Variants in TRDN observed in about 807,000 individuals in gnomAD.
TRDN encodes the protein triadin in skeletal muscle.
In TRDN, 161 loss-of-function variants were observed where a neutral mutation model predicts 149.7. The ratio of observed to expected loss-of-function variants is 1.08; its 90% CI spans 0.95 to 1.23. The LOEUF (loss-of-function observed/expected upper bound fraction) is 1.23. Among genes scored for constraint, TRDN ranks in the 50% most tolerant of loss-of-function variants. TRDN has a pLI of 0.00. For synonymous variants in TRDN, 294 were observed against 250.5 expected, an observed-to-expected ratio of 1.17 and a Z score of -1.64; for missense variants, 896 against 823.5, an observed-to-expected ratio of 1.09 and a Z score of -1.08.
intron 8 of TRDN, among the ~76,000 whole-genome samples, chr6:123,500,674 A>C (rs1778658301): frequency 6.6e-6 from 1 of 152,154 alleles, no homozygotes; most frequent in African/African-American, 2.4e-5. Context: ...CTCAGGAAGC[A>C]GTGATAGATG....
intron 1 of TRDN, among the ~76,000 whole-genome samples, chr6:123,613,108 C>T (rs570668828): frequency 2.6e-5 from 4 of 152,170 alleles, no homozygotes; most frequent in South Asian, 2.1e-4. Context: ...GTACAAAGGA[C>T]GACTGCATCA....
chr6:123,586,238 T>C (rs1398496537), intron 1 of TRDN, among the ~76,000 whole-genome samples: 4 of 152,116 alleles, frequency 2.6e-5, no homozygotes, highest in Non-Finnish European at 2.9e-5. Flanking sequence ...AGTCACGGAA[T>C]GAAACTGTAA....
intron 22 of TRDN, among the ~76,000 whole-genome samples, chr6:123,336,752 GAAT>G (rs1319998817): frequency 6.6e-6 from 1 of 151,268 alleles, no homozygotes; most frequent in Non-Finnish European, 1.5e-5. Context: ...AAATTAAGGT[GAAT>G]AATATCAGAC....
At chr6:123,464,023 T>C (rs980408065) in intron 10 of TRDN, among the ~76,000 whole-genome samples, 72 of 152,176 alleles carry the variant, frequency 4.7e-4, no homozygotes, top group African/African-American at 1.6e-3. Flanking sequence ...TCTACCCCTT[T>C]CTAGGGTGGC....
intron 9 of TRDN, among the ~76,000 whole-genome samples, chr6:123,490,705 C>A (rs1288771352): frequency 6.6e-6 from 1 of 152,192 alleles, no homozygotes; most frequent in Non-Finnish European, 1.5e-5. Flanking sequence ...TGGTTTCTAA[C>A]TGCACAAATG....
At chr6:123,552,555 G>A (rs541739059) in intron 2 of TRDN, among the ~76,000 whole-genome samples, 1 of 152,210 alleles carries the variant, frequency 6.6e-6, no homozygotes, top group South Asian at 2.1e-4. Context: ...TCAAGTTCAA[G>A]CTTCCTACCC....
chr6:123,344,493 C>T (rs1457627635), intron 21 of TRDN, among the ~76,000 whole-genome samples: 2 of 151,954 alleles, frequency 1.3e-5, no homozygotes, highest in East Asian at 3.9e-4. Context: ...ATACTTTTGC[C>T]TTTTCCAGAA....
chr6:123,529,723 T>A (rs1433441327), intron 5 of TRDN, among the ~76,000 whole-genome samples: 2 of 152,162 alleles, frequency 1.3e-5, no homozygotes. Context: ...TCATTTTCTG[T>A]CTGCATTATA....
chr6:123,586,240 A>C (rs1305346265), intron 1 of TRDN, among the ~76,000 whole-genome samples: 1 of 152,134 alleles, frequency 6.6e-6, no homozygotes, highest in Non-Finnish European at 1.5e-5. Flanking sequence ...TCACGGAATG[A>C]AACTGTAAGC....
chr6:123,386,203 C>T (rs1344905459), intron 14 of TRDN, among the ~76,000 whole-genome samples: 2 of 151,772 alleles, frequency 1.3e-5, no homozygotes, highest in African/African-American at 4.8e-5. Context: ...TACAAGGTGG[C>T]AAGAAATAAA....
chr6:123,340,096 G>T (rs1230653733), intron 21 of TRDN, among the ~76,000 whole-genome samples: 3 of 151,970 alleles, frequency 2.0e-5, no homozygotes, highest in Non-Finnish European at 4.4e-5. Flanking sequence ...ACTTTTAATT[G>T]TATTGTAGAA....
At chr6:123,448,206 T>C (rs749088665) in intron 10 of TRDN, among the ~76,000 whole-genome samples, 1 of 152,082 alleles carries the variant, frequency 6.6e-6, no homozygotes, top group Non-Finnish European at 1.5e-5. Flanking sequence ...CTGAACTTTG[T>C]AACAATTTGA....
At chr6:123,286,867 T>C (rs553399918) in intron 24 of TRDN, among the ~76,000 whole-genome samples, 25 of 151,700 alleles carry the variant, frequency 1.6e-4, no homozygotes, top group South Asian at 1.5e-3. Flanking sequence ...ACCTGGGGAG[T>C]TGCTAGAAAT....
chr6:123,444,994 G>A (rs1323800797), intron 10 of TRDN: 1 of 151,968 alleles, frequency 6.6e-6, no homozygotes, highest in African/African-American at 2.4e-5. Context: ...TTTTGGTTGT[G>A]TCTCTGCCAG....
chr6:123,520,354 T>C (rs961024599), intron 5 of TRDN, among the ~76,000 whole-genome samples: 1 of 152,110 alleles, frequency 6.6e-6, no homozygotes, highest in African/African-American at 2.4e-5. Context: ...GATAAGAAAA[T>C]ATGCTCATAA....
At chr6:123,279,152 T>C (rs1243742284) in intron 24 of TRDN, 70 bp from the exon 25 acceptor site, 2 of 1,193,266 alleles carry the variant, frequency 1.7e-6, no homozygotes, top group African/African-American at 3.1e-5. Flanking sequence ...TTATTGAATA[T>C]GATATAATAT....
At chr6:123,314,658 C>A (rs1778959101) in intron 24 of TRDN, among the ~76,000 whole-genome samples, 1 of 152,000 alleles carries the variant, frequency 6.6e-6, no homozygotes, top group South Asian at 2.1e-4. Flanking sequence ...GAATATTATG[C>A]AGTCATGAAA....
chr6:123,260,686 A>G, intron 33 of TRDN, 48 bp from the exon 34 acceptor site: 1 of 1,364,118 alleles, frequency 7.3e-7, no homozygotes, highest in Non-Finnish European at 9.8e-7. Context: ...GAAAAAAAAT[A>G]AAAAGAAAAA....
At chr6:123,316,435 A>C (rs774373237) in intron 24 of TRDN, 22 bp downstream of exon 24, 47 of 1,606,786 alleles carry the variant, frequency 2.9e-5, no homozygotes, top group Non-Finnish European at 3.9e-5. Flanking sequence ...CCTTGTATGT[A>C]AATCTTACAA....
Sources: allele counts gnomAD v4.1 joint callset (sites outside exome capture counted in the v4.1 genomes callset), GRCh38; gene constraint gnomAD v4.1.1; transcripts MANE v1.5; gene names NCBI Gene and HGNC (gene_info 2026-07-23, HGNC 2026-07-21).